IFT43: variants seen among roughly 807,000 people sequenced by gnomAD.
The protein encoded by IFT43 is intraflagellar transport 43.
Under a neutral mutation model 32.3 loss-of-function variants are expected in IFT43, and 33 were observed. That is an observed-to-expected ratio of 1.02 (90% CI 0.77 to 1.37). The LOEUF (loss-of-function observed/expected upper bound fraction) is 1.37, where lower values mean the gene tolerates loss of function less well. IFT43 is among the 40% of genes most tolerant of loss of function. The pLI, the probability that IFT43 is intolerant of heterozygous loss-of-function variation, is 0.00. For missense variants in IFT43, 274 were observed against 265.9 expected (o/e 1.03, Z -0.21); for synonymous variants, 93 against 98.2 (o/e 0.95, Z 0.31).
chr14:75,988,574 A>G (rs986711391), intron 1 of IFT43, among the ~76,000 whole-genome samples: 1 of 152,094 alleles, frequency 6.6e-6, no homozygotes, highest in African/African-American at 2.4e-5. Context: ...GCTGGAGTGC[A>G]GTGGCACAAT....
intron 5 of IFT43, among the ~76,000 whole-genome samples, chr14:76,061,195 T>A (rs1027861421): frequency 2.0e-5 from 3 of 152,228 alleles, no homozygotes; most frequent in Non-Finnish European, 4.4e-5. Flanking sequence ...TTGTTTCTGA[T>A]GAGAAGACGA....
chr14:76,032,457 C>T (rs1813166292), intron 3 of IFT43, among the ~76,000 whole-genome samples: 2 of 152,234 alleles, frequency 1.3e-5, no homozygotes, highest in Non-Finnish European at 2.9e-5. Flanking sequence ...CAAGGTCCTA[C>T]CTTACCTCAC....
chr14:75,996,799 G>A (rs990476881), intron 2 of IFT43, among the ~76,000 whole-genome samples: 12 of 152,232 alleles, frequency 7.9e-5, no homozygotes, highest in African/African-American at 2.9e-4. Flanking sequence ...AGAAAATGAA[G>A]AGGGCAGGAG....
chr14:75,996,574 G>C (rs901662603), intron 2 of IFT43, among the ~76,000 whole-genome samples: 44 of 152,196 alleles, frequency 2.9e-4, no homozygotes, highest in African/African-American at 1.1e-3. Flanking sequence ...AAACATTTGG[G>C]TGAGGAATCC....
intron 5 of IFT43, among the ~76,000 whole-genome samples, chr14:76,081,311 T>C (rs1025240368): frequency 6.6e-6 from 1 of 152,232 alleles, no homozygotes; most frequent in African/African-American, 2.4e-5. Context: ...ACCTTTGGGA[T>C]TTCTCCTTCT....
At chr14:75,998,412 T>C (rs1206419335) in intron 2 of IFT43, among the ~76,000 whole-genome samples, 1 of 152,162 alleles carries the variant, frequency 6.6e-6, no homozygotes, top group Non-Finnish European at 1.5e-5. Context: ...AGCCCAACAC[T>C]CTAAGAGAGG....
At chr14:75,999,201 A>G (rs2035803901) in intron 2 of IFT43, among the ~76,000 whole-genome samples, 1 of 142,688 alleles carries the variant, frequency 7.0e-6, no homozygotes, top group African/African-American at 2.6e-5. Context: ...ATATATATAT[A>G]ATATTCATTT....
rs1210490245 is a variant in IFT43 at position 76,059,365 on chromosome 14, A to T, written c.287A>T (p.Tyr96Phe). 1.2e-6 allele frequency: 2 copies of T among 1,613,924 alleles called. No homozygotes were observed. Among genetic ancestry groups the T allele is most frequent in the African/African-American group, 2.7e-5 (2 of 74,916 alleles). ...CCACAGAGCCTGAATGGATCAGATTATGGAGGAGGTAAGAGGCCCTTGGAG... is the reference window on the plus strand; with the variant it reads ...CCACAGAGCCTGAATGGATCAGATTTTGGAGGAGGTAAGAGGCCCTTGGAG... ...LRPQSLNGSD[Y>F]GGDIPIIPDL... is the part of the protein sequence containing the mutation. Residue 96 changes from tyrosine to phenylalanine, a missense_variant, in exon 5 of 9, where the codon TAT (tyrosine) becomes TTT (phenylalanine). Transcript: ENST00000314067.
intron 5 of IFT43, among the ~76,000 whole-genome samples, chr14:76,064,174 C>T (rs1333088149): frequency 6.6e-6 from 1 of 152,150 alleles, no homozygotes; most frequent in Non-Finnish European, 1.5e-5. Context: ...TAGCACTACC[C>T]ACTAACTTCC....
At chr14:76,017,475 A>G (rs1000773806) in intron 2 of IFT43, among the ~76,000 whole-genome samples, 1 of 152,058 alleles carries the variant, frequency 6.6e-6, no homozygotes, top group Non-Finnish European at 1.5e-5. Flanking sequence ...GGATTTTTGC[A>G]TCCTATGTTC....
intron 2 of IFT43, among the ~76,000 whole-genome samples, chr14:75,993,970 G>C (rs1321520431): frequency 3.3e-5 from 5 of 152,072 alleles, no homozygotes; most frequent in Non-Finnish European, 7.3e-5. Flanking sequence ...CAGTTTCAGG[G>C]GAGTTTTTAA....
intron 5 of IFT43, among the ~76,000 whole-genome samples, chr14:76,077,615 A>G (rs1190621704): frequency 1.3e-5 from 2 of 152,144 alleles, no homozygotes; most frequent in African/African-American, 4.8e-5. Context: ...GGCCACGAAT[A>G]AAGTATTATG....
chr14:76,051,421 G>A (rs1288776876), intron 3 of IFT43, among the ~76,000 whole-genome samples: 1 of 151,930 alleles, frequency 6.6e-6, no homozygotes, highest in Non-Finnish European at 1.5e-5. Context: ...CAATTATCCA[G>A]TGTACCGCCT....
intron 3 of IFT43, among the ~76,000 whole-genome samples, chr14:76,032,719 T>C (rs534459793): frequency 6.6e-6 from 1 of 152,310 alleles, no homozygotes; most frequent in East Asian, 1.9e-4. Context: ...AAACGGTCAC[T>C]TTACTTTCGG....
At chr14:76,038,762 A>G (rs1387512241) in intron 3 of IFT43, among the ~76,000 whole-genome samples, 2 of 152,222 alleles carry the variant, frequency 1.3e-5, no homozygotes, top group Non-Finnish European at 1.5e-5. Flanking sequence ...TGTCACACTC[A>G]TGCTATCTTT....
At position 76,053,830 on chromosome 14, in the gene IFT43, C is replaced by G. The variant is rs1286757899; in HGVS notation, c.216-4812C>G. 2.0e-5 allele frequency among the ~76,000 whole-genome samples: 3 copies of G among 152,194 alleles called. No individual in the cohort carries two copies. In the East Asian group the frequency reaches 5.8e-4, roughly 29 times the overall value. Reference sequence around the variant, plus strand: ...ATTGAACGAGCATCTCTAATCGGATCTGGATTGCTCTGGGCCTGGTGTGGT... The same window carrying G: ...ATTGAACGAGCATCTCTAATCGGATGTGGATTGCTCTGGGCCTGGTGTGGT... On this transcript the variant is annotated intron_variant, in intron 3 of 8. Transcript: ENST00000314067.
intron 2 of IFT43, chr14:76,013,723 A>G: frequency 2.9e-6 from 1 of 348,840 alleles, no homozygotes; most frequent in South Asian, 4.9e-5. Flanking sequence ...GAAATCCGCA[A>G]ATGTGGAATG....
Position 75,985,850 on chromosome 14 carries a change from A to G in IFT43, c.54+10A>G. 1 of 1,613,960 alleles carries G rather than the reference A, an allele frequency of 6.2e-7. No individual in the cohort carries two copies. The highest frequency in any genetic ancestry group is 8.5e-7 in the Non-Finnish European group (1 of 1,179,956). On this transcript the variant is annotated intron_variant, in intron 1 of 8. Coordinates refer to ENST00000314067, the MANE Select transcript of IFT43 (RefSeq NM_001102564.3). ...CAGCTTGGCTACCTCCGTGAGGACCAATTCGGGGGCCTTGGGGGCCAGGAT... is the reference window on the plus strand; with the variant it reads ...CAGCTTGGCTACCTCCGTGAGGACCGATTCGGGGGCCTTGGGGGCCAGGAT...
At chr14:76,005,754 G>A (rs2035969202) in intron 2 of IFT43, among the ~76,000 whole-genome samples, 1 of 152,156 alleles carries the variant, frequency 6.6e-6, no homozygotes, top group African/African-American at 2.4e-5. Flanking sequence ...ATCTATTTGA[G>A]CATGGATTTT....
Sources: allele counts gnomAD v4.1 joint callset (sites outside exome capture counted in the v4.1 genomes callset), GRCh38; gene constraint gnomAD v4.1.1; transcripts MANE v1.5; gene names NCBI Gene and HGNC (gene_info 2026-07-23, HGNC 2026-07-21).